The following CMIP variants were observed in gnomAD, a reference collection of about 807,000 sequenced individuals.
CMIP encodes C-Maf-inducing protein.
In CMIP, 13 loss-of-function variants were observed where a neutral mutation model predicts 97.3. That is an observed-to-expected ratio of 0.13 (90% CI 0.09 to 0.21). CMIP has a LOEUF of 0.21. CMIP is among the 10% of genes least tolerant of loss of function. CMIP has a pLI of 1.00. For missense variants in CMIP, 847 were observed against 1,024.9 expected, an observed-to-expected ratio of 0.83 and a Z score of 2.37; for synonymous variants, 538 against 436.3, an observed-to-expected ratio of 1.23 and a Z score of -2.91.
At chr16:81,505,290 C>T (rs1220530147) in intron 1 of CMIP, among the ~76,000 whole-genome samples, 2 of 152,212 alleles carry the variant, frequency 1.3e-5, no homozygotes, top group African/African-American at 4.8e-5. Context: ...GAAGTGGAAT[C>T]CCTCATGTGT....
At chr16:81,565,096 C>G (rs182402526) in intron 1 of CMIP, among the ~76,000 whole-genome samples, 1 of 152,010 alleles carries the variant, frequency 6.6e-6, no homozygotes, top group Non-Finnish European at 1.5e-5. Flanking sequence ...TAGCTGATGG[C>G]AGGCTCAGTT....
In CMIP at chr16:81,710,091, G is replaced by C. The variant is rs1365535727; in HGVS notation, c.*292G>C. The C allele has an allele frequency of 6.1e-6, 2 of 329,296 alleles. No individual in the cohort carries two copies. The highest frequency in any genetic ancestry group is 4.2e-5 in the African/African-American group (2 of 47,364). The allele number at this position is 329,296 out of a possible 1,614,324, so 20.4% of individuals were successfully genotyped here. ...CGGGGAGGGGTTTGGGGGTGGGCTGGGGGGTGGGGGACCCTTTGTGGATTT... is the reference window on the plus strand; with the variant it reads ...CGGGGAGGGGTTTGGGGGTGGGCTGCGGGGTGGGGGACCCTTTGTGGATTT... On this transcript the variant is annotated 3_prime_UTR_variant, in exon 21 of 21. Transcript: ENST00000537098.
At chr16:81,635,203 C>T (rs1406513735) in intron 3 of CMIP, among the ~76,000 whole-genome samples, 1 of 151,824 alleles carries the variant, frequency 6.6e-6, no homozygotes, top group East Asian at 1.9e-4. Context: ...GTTCCCCACC[C>T]CCACCCCGTA....
chr16:81,448,582 G>C (rs1906011683), intron 1 of CMIP, among the ~76,000 whole-genome samples: 1 of 152,208 alleles, frequency 6.6e-6, no homozygotes, highest in Admixed American at 6.5e-5. Flanking sequence ...GCCTCCTGTG[G>C]GATCAGGTCG....
intron 1 of CMIP, among the ~76,000 whole-genome samples, chr16:81,484,900 T>C (rs767696111): frequency 1.6e-4 from 25 of 151,790 alleles, no homozygotes; most frequent in Non-Finnish European, 3.7e-4. Context: ...CCCTCTTCCC[T>C]GCCTCTTTCC....
intron 1 of CMIP, among the ~76,000 whole-genome samples, chr16:81,580,079 T>C (rs947824668): frequency 5.9e-5 from 9 of 152,268 alleles, no homozygotes; most frequent in Non-Finnish European, 1.3e-4. Flanking sequence ...AACCAGTGTC[T>C]TGGGGCTCCC....
chr16:81,685,967 G>A (rs1905340853), intron 10 of CMIP, among the ~76,000 whole-genome samples: 1 of 152,102 alleles, frequency 6.6e-6, no homozygotes, highest in South Asian at 2.1e-4. Flanking sequence ...CAGACACTGG[G>A]GCCAGGCTCA....
At chr16:81,462,037 A>G (rs539129343) in intron 1 of CMIP, among the ~76,000 whole-genome samples, 1 of 152,164 alleles carries the variant, frequency 6.6e-6, no homozygotes, top group African/African-American at 2.4e-5. Context: ...CTGTGTTGTC[A>G]TCATTATCTT....
chr16:81,595,917 G>A (rs933393272), intron 1 of CMIP, among the ~76,000 whole-genome samples: 1 of 152,118 alleles, frequency 6.6e-6, no homozygotes, highest in African/African-American at 2.4e-5. Flanking sequence ...TGGAATTACT[G>A]GGTCATACTT....
chr16:81,507,117 G>A (rs1475666427), intron 1 of CMIP, among the ~76,000 whole-genome samples: 5 of 151,978 alleles, frequency 3.3e-5, no homozygotes, highest in African/African-American at 7.3e-5. Flanking sequence ...TTAGCTGGGC[G>A]TGGTGGCGGG....
At chr16:81,674,324 G>T (rs1477505295) in intron 9 of CMIP, among the ~76,000 whole-genome samples, 1 of 152,172 alleles carries the variant, frequency 6.6e-6, no homozygotes, top group Non-Finnish European at 1.5e-5. Context: ...GTAGAAATGG[G>T]GTTTCACCAT....
chr16:81,563,707 C>T (rs1255403063), intron 1 of CMIP, among the ~76,000 whole-genome samples: 1 of 152,196 alleles, frequency 6.6e-6, no homozygotes, highest in African/African-American at 2.4e-5. Flanking sequence ...GCTGTGCAAT[C>T]TTGGGCCGTC....
intron 1 of CMIP, among the ~76,000 whole-genome samples, chr16:81,562,404 C>T (rs2090900775): frequency 1.3e-5 from 2 of 152,252 alleles, no homozygotes; most frequent in Admixed American, 1.3e-4. Flanking sequence ...TCTCTCATCC[C>T]AGAAACCACT....
In CMIP at chr16:81,507,476, T is replaced by G. The variant is rs564879000; in HGVS notation, c.300+61935T>G. The stretch of plus-strand genomic sequence containing the variant: ...TTCAGAGGGAAAAGATTAAGTAATT[T>G]AACTAATATATAATTTAGAACATGG... On this transcript the variant is annotated intron_variant, in intron 1 of 20. Transcript: ENST00000537098. Among the ~76,000 whole-genome samples the G allele has an allele frequency of 2.6e-5, 4 of 152,350 alleles. No homozygotes were observed. The East Asian group carries it at 5.8e-4, about 22-fold the overall frequency.
At chr16:81,690,378 G>T (rs192095181) in intron 10 of CMIP, among the ~76,000 whole-genome samples, 132 of 152,290 alleles carry the variant, frequency 8.7e-4, no homozygotes, top group African/African-American at 3.1e-3. Flanking sequence ...CACTTCCCTT[G>T]TAAGTTGGAT....
intron 1 of CMIP, among the ~76,000 whole-genome samples, chr16:81,452,555 G>C (rs1906284213): frequency 6.6e-6 from 1 of 152,100 alleles, no homozygotes; most frequent in South Asian, 2.1e-4. Flanking sequence ...GGGGCGAGTG[G>C]TGGGCTGCTT....
intron 1 of CMIP, among the ~76,000 whole-genome samples, chr16:81,532,367 G>C (rs1317263492): frequency 6.6e-6 from 1 of 152,226 alleles, no homozygotes; most frequent in Non-Finnish European, 1.5e-5. Flanking sequence ...AGATATAATT[G>C]TCTTTTAGAA....
chr16:81,661,251 T>C (rs911350231), intron 6 of CMIP, among the ~76,000 whole-genome samples: 1 of 152,204 alleles, frequency 6.6e-6, no homozygotes, highest in Non-Finnish European at 1.5e-5. Context: ...GCTGGGTTAT[T>C]ATTAGCCAAG....
intron 1 of CMIP, among the ~76,000 whole-genome samples, chr16:81,577,609 CATT>C (rs1484140688): frequency 5.9e-4 from 87 of 148,582 alleles, no homozygotes; most frequent in African/African-American, 2.1e-3. Context: ...ATTACCACTA[CATT>C]ATTATCACTA....
Sources: gnomAD v4.1 joint callset for allele counts (sites outside exome capture counted in the v4.1 genomes callset) on GRCh38, gnomAD v4.1.1 for gene constraint, MANE v1.5 for transcripts, NCBI Gene and HGNC (gene_info 2026-07-23, HGNC 2026-07-21) for gene names.